ATAD3B: variants seen among roughly 807,000 people sequenced by gnomAD.
ATAD3B encodes ATPase family AAA domain-containing protein 3B.
ATAD3B carries 59 observed loss-of-function variants against 70.2 expected under a neutral mutation model. The ratio of observed to expected loss-of-function variants is 0.84; its 90% CI spans 0.68 to 1.04. The LOEUF (loss-of-function observed/expected upper bound fraction) is 1.04. ATAD3B is among the 50% of genes least tolerant of loss of function. ATAD3B has a pLI of 0.00. For missense variants in ATAD3B, 961 were observed against 913.4 expected (o/e 1.05, Z -0.67); for synonymous variants, 423 against 388.6 (o/e 1.09, Z -1.04).
chr1:1,499,006 C>T (rs1173016177), downstream of ATAD3B, among the ~76,000 whole-genome samples: 18 of 149,458 alleles, frequency 1.2e-4, no homozygotes, highest in South Asian at 4.2e-4. Context: ...GAGTCTCATG[C>T]TGTCGCCTAG....
At position 1,497,472 on chromosome 1, in the gene ATAD3B, C is replaced by A. The variant is rs1470389201; in HGVS notation, c.*1655C>A. The A allele has an allele frequency of 6.7e-6, 1 of 149,530 alleles. No individual in the cohort carries two copies. The highest frequency in any genetic ancestry group is 1.5e-5 in the Non-Finnish European group (1 of 67,618). 9.3% of individuals were successfully genotyped at this position (149,530 alleles called of 1,614,324 possible). ...TCTCCAACTCTTGGCCTCAGGAGATCCTCCCGCCTCTACAGGATGAGCCAC... is the reference window on the plus strand; with the variant it reads ...TCTCCAACTCTTGGCCTCAGGAGATACTCCCGCCTCTACAGGATGAGCCAC... On this transcript the variant is annotated 3_prime_UTR_variant, in exon 16 of 16. Coordinates refer to ENST00000673477, the MANE Select transcript of ATAD3B (RefSeq NM_031921.6).
At position 1,489,756 on chromosome 1, in the gene ATAD3B, C is replaced by T. The variant is rs61744102; in HGVS notation, c.1337+482C>T. ...TCGGCCGTGGCTGACTCTTCAGGCA[C>T]GTTGGGCTCCTGGGTCAGCTGCTGC... On this transcript the variant is annotated intron_variant, in intron 13 of 15. Transcript: ENST00000673477. The T allele has an allele frequency of 2.2e-4, 285 of 1,306,772 alleles. 1 individual carries two copies. In the African/African-American group the frequency reaches 3.2e-3, roughly 15 times the overall value. The allele number at this position is 1,306,772 out of a possible 1,614,324, so 80.9% of individuals were successfully genotyped here. A position where few individuals can be genotyped will look rare whatever the true frequency, so the allele number is the denominator to read the frequency against.
At position 1,485,118 on chromosome 1, in the gene ATAD3B, G is replaced by C; in HGVS notation, c.853G>C (p.Val285Leu). 11 of 1,610,576 alleles carry C rather than the reference G, an allele frequency of 6.8e-6. No individual in the cohort carries two copies. The highest frequency in any genetic ancestry group is 8.5e-6 in the Non-Finnish European group (10 of 1,179,324). Reference protein sequence around the residue: ...IEARLGKPSLVRETSRITVLE... With the variant: ...IEARLGKPSLLRETSRITVLE... ...GGCTCGGCTGGGGAAGCCGTCCCTA[G>C]TGAGGGAGACGTCCCGCATCACGGT... The change falls in exon 8 of 16, where the codon GTG becomes CTG. Residue 285 changes from valine to leucine, a missense_variant. Val to Leu is a conservative substitution (Grantham distance 32). This residue lies in a region of ATAD3B where 349 missense variants were observed against 307.5 expected (regional missense o/e 1.14). Coordinates refer to ENST00000673477, the MANE Select transcript of ATAD3B (RefSeq NM_031921.6).
chr1:1,479,485 C>CA (rs1639784364), intron 4 of ATAD3B, among the ~76,000 whole-genome samples: 1 of 143,224 alleles, frequency 7.0e-6, no homozygotes, highest in South Asian at 2.3e-4. Context: ...CCTGTGCGCA[C>CA]ACACCCCTAC....
At chr1:1,500,637 A>ATG (rs200301043), downstream of ATAD3B, among the ~76,000 whole-genome samples, 1 of 150,872 alleles carries the variant, frequency 6.6e-6, no homozygotes, top group Non-Finnish European at 1.5e-5. Context: ...GTATATATAA[A>ATG]TGTGTATATA....
chr1:1,490,349 A>C lies in ATAD3B; in HGVS notation c.1430A>C (p.Gln477Pro). The change falls in exon 14 of 16, where the codon CAG (glutamine) becomes CCG (proline). Residue 477 changes from glutamine to proline, a missense_variant. By Grantham distance (76) the Gln-to-Pro change is moderately conservative. Around this residue, in one of 4 missense-constraint regions of ATAD3B, gnomAD observed 417 missense variants for 335.0 expected, o/e 1.24. Transcript: ENST00000673477. Reference sequence around the variant, plus strand: ...GTGATGGTCCACTTCGACCTGCCGCAGCAGGAGGAGCGGGAGCGCCTGGTG... The same window carrying C: ...GTGATGGTCCACTTCGACCTGCCGCCGCAGGAGGAGCGGGAGCGCCTGGTG... ...IDVMVHFDLP[Q>P]QEERERLVRL... The C allele has an allele frequency of 6.2e-7, 1 of 1,613,458 alleles. No individual in the cohort carries two copies. The highest frequency in any genetic ancestry group is 1.1e-5 in the South Asian group (1 of 91,022).
chr1:1,481,707 C>T (rs1162757674), intron 5 of ATAD3B, among the ~76,000 whole-genome samples: 42 of 147,168 alleles, frequency 2.9e-4, no homozygotes, highest in East Asian at 2.6e-3. Context: ...CAGAACTCCG[C>T]GTTCTGGTTT....
In ATAD3B at chr1:1,486,529, A is replaced by C; in HGVS notation, c.1090-15A>C. 6.2e-7 allele frequency: 1 copy of C among 1,611,626 alleles called. No homozygotes were observed. The highest frequency in any genetic ancestry group is 1.1e-5 in the South Asian group (1 of 91,000). ...GGGAACATCTGTTCTGTCTCCCCTC[A>C]CTCTTCTTGTCCAGAAACTCGCCCT... is the stretch of plus-strand genomic sequence containing the variant. On this transcript the variant is annotated splice_polypyrimidine_tract_variant and intron_variant, in intron 10 of 15. Coordinates refer to ENST00000673477, the MANE Select transcript of ATAD3B (RefSeq NM_031921.6).
intron 1 of ATAD3B, among the ~76,000 whole-genome samples, chr1:1,472,793 G>A (rs1570176025): frequency 6.6e-6 from 1 of 152,148 alleles, no homozygotes; most frequent in East Asian, 1.9e-4. Context: ...TTCATTGAAA[G>A]AATACAGTGG....
In ATAD3B at chr1:1,483,306, A is replaced by C. The variant is rs533389789; in HGVS notation, c.750+692A>C. ...ACATGGTGAAACCCCATCTCTGCTA[A>C]AAATACAAAAATTAGCAGGCCAAGG... On this transcript the variant is annotated intron_variant, in intron 7 of 15. Transcript: ENST00000673477. 2.9e-4 allele frequency among the ~76,000 whole-genome samples: 44 copies of C among 151,888 alleles called. 1 individual carries two copies. The highest frequency in any genetic ancestry group is 6.2e-4 in the Non-Finnish European group (42 of 67,900).
At chr1:1,489,111 C>T in intron 12 of ATAD3B, 93 bp from the exon 13 acceptor site, 1 of 1,595,040 alleles carries the variant, frequency 6.3e-7, no homozygotes, top group Non-Finnish European at 8.6e-7. Flanking sequence ...CACGTCCCTG[C>T]TCCCTGCAGG....
chr1:1,498,961 G>C (rs1640879336), downstream of ATAD3B, among the ~76,000 whole-genome samples: 1 of 148,698 alleles, frequency 6.7e-6, no homozygotes, highest in South Asian at 2.1e-4. Flanking sequence ...ACTGCTGTGT[G>C]GTTCCTCTTT....
At position 1,478,599 on chromosome 1, in the gene ATAD3B, G is replaced by A. The variant is rs1177480671; in HGVS notation, c.283-45G>A. On this transcript the variant is annotated intron_variant, in intron 2 of 15. Transcript: ENST00000673477. ...GACACAGGAGCGGCTGTCAGGCAGT[G>A]CCAGCCCTGAGCAAGTGCCAGCTGG... 31 of 1,549,710 alleles carry A rather than the reference G, an allele frequency of 2.0e-5. No homozygotes were observed. In the East Asian group the frequency reaches 7.1e-4, roughly 35 times the overall value.
At chr1:1,483,145 A>G in intron 7 of ATAD3B, 1 of 405,558 alleles carries the variant, frequency 2.5e-6, no homozygotes, top group Non-Finnish European at 4.9e-6. Context: ...AGAAAAAAAA[A>G]GAAAAGAATT....
In ATAD3B at chr1:1,479,987, GAC is replaced by G. The variant is rs552636149; in HGVS notation, c.445-875_445-874del. Among the ~76,000 whole-genome samples, 378 of 135,318 alleles carry G rather than the reference GAC, an allele frequency of 2.8e-3. 29 individuals carry two copies. Among genetic ancestry groups the G allele is most frequent in the African/African-American group, 0.01 (360 of 35,144 alleles). 88.8% of individuals were successfully genotyped at this position (135,318 alleles called of 152,430 possible). On this transcript the variant is annotated intron_variant, in intron 4 of 15. Coordinates refer to ENST00000673477, the MANE Select transcript of ATAD3B (RefSeq NM_031921.6). ...CCCACCACACACACACACAGGCATGGACACACGCACACCCCCTCACACATAGG... is the reference window on the plus strand; with the variant it reads ...CCCACCACACACACACACAGGCATGGACACGCACACCCCCTCACACATAGG...
rs1183053263 is a variant in ATAD3B at position 1,485,978 on chromosome 1, A to G, written c.964-132A>G. On this transcript the variant is annotated intron_variant, in intron 9 of 15. Coordinates refer to ENST00000673477, the MANE Select transcript of ATAD3B (RefSeq NM_031921.6). ...TGCAACTGCTTGGACTGTGCCGGGGATAGATAGGCTGCCCACGAGCTGGGC... is the reference window on the plus strand; with the variant it reads ...TGCAACTGCTTGGACTGTGCCGGGGGTAGATAGGCTGCCCACGAGCTGGGC... 31 of 1,589,968 alleles carry G rather than the reference A, an allele frequency of 1.9e-5. 1 individual carries two copies. Among genetic ancestry groups the G allele is most frequent in the Non-Finnish European group, 2.6e-5 (30 of 1,165,354 alleles).
At chr1:1,478,256 C>A (rs1247902791) in intron 2 of ATAD3B, 2 of 649,454 alleles carry the variant, frequency 3.1e-6, no homozygotes, top group South Asian at 4.4e-5. Context: ...TTTGGCCTCA[C>A]AAAGTGCTGG....
chr1:1,482,736 C>G lies in ATAD3B; in HGVS notation c.750+122C>G, dbSNP rs2862156. On this transcript the variant is annotated intron_variant, in intron 7 of 15. Coordinates refer to ENST00000673477, the MANE Select transcript of ATAD3B (RefSeq NM_031921.6). Reference sequence around the variant, plus strand: ...GCCCTGTAGCTCTCCCAGCACAGAGCAAACCCACGTTGTACCTGCTGGGCT... The same window carrying G: ...GCCCTGTAGCTCTCCCAGCACAGAGGAAACCCACGTTGTACCTGCTGGGCT... The G allele has an allele frequency of 7.6e-4, 1,145 of 1,506,812 alleles. 25 individuals are homozygous for G. In the East Asian group the frequency reaches 0.022, roughly 29 times the overall value. The allele number at this position is 1,506,812 out of a possible 1,614,324, so 93.3% of individuals were successfully genotyped here. A position where few individuals can be genotyped will look rare whatever the true frequency, so the allele number is the denominator to read the frequency against.
chr1:1,505,879 A>G, the ATAD3B span, among the ~76,000 whole-genome samples: 1 of 152,128 alleles, frequency 6.6e-6, no homozygotes, highest in Non-Finnish European at 1.5e-5. Flanking sequence ...AACTATTCCT[A>G]TTTTATATAT....
Sources: allele counts gnomAD v4.1 joint callset (sites outside exome capture counted in the v4.1 genomes callset), GRCh38; gene constraint gnomAD v4.1.1; regional missense constraint gnomAD v4.1.1; transcripts MANE v1.5; gene names NCBI Gene and HGNC (gene_info 2026-07-23, HGNC 2026-07-21).